VAC14: variants seen among roughly 807,000 people sequenced by gnomAD.
The protein encoded by VAC14 is VAC14 component of PIKFYVE complex.
Under a neutral mutation model 85.3 loss-of-function variants are expected in VAC14, and 47 were observed. That is an observed-to-expected ratio of 0.55 (90% CI 0.44 to 0.70). The LOEUF is 0.70. VAC14 is among the 30% of genes least tolerant of loss of function. The probability of loss-of-function intolerance (pLI) is 0.00; values close to 1 mark genes in which losing one functional copy is unlikely to be tolerated. For missense variants in VAC14, 861 were observed against 1,004.3 expected, an observed-to-expected ratio of 0.86 and a Z score of 1.93; for synonymous variants, 447 against 430.5, an observed-to-expected ratio of 1.04 and a Z score of -0.47.
chr16:70,695,675 T>G, intron 16 of VAC14, 52 bp from the exon 17 acceptor site: 2 of 1,563,554 alleles, frequency 1.3e-6, no homozygotes, highest in Non-Finnish European at 1.8e-6. Context: ...CAGCCGCAGC[T>G]CACAGCACCA....
intron 14 of VAC14, among the ~76,000 whole-genome samples, chr16:70,719,158 A>G (rs1402354747): frequency 1.3e-5 from 2 of 152,208 alleles, no homozygotes; most frequent in Non-Finnish European, 2.9e-5. Context: ...ACAAAGCACA[A>G]ACAGGCTGGA....
intron 12 of VAC14, among the ~76,000 whole-genome samples, chr16:70,754,127 C>T (rs2031630322): frequency 6.6e-6 from 1 of 152,152 alleles, no homozygotes; most frequent in Non-Finnish European, 1.5e-5. Context: ...ATACTCAAAC[C>T]CTCCTGGCAC....
At chr16:70,771,182 G>A (rs1321698517) in intron 10 of VAC14, 1 of 152,230 alleles carries the variant, frequency 6.6e-6, no homozygotes, top group Non-Finnish European at 1.5e-5. Context: ...AGTACCTTCC[G>A]CGGGGAGTCC....
intron 12 of VAC14, among the ~76,000 whole-genome samples, chr16:70,754,147 T>G (rs1410169458): frequency 6.6e-6 from 1 of 152,152 alleles, no homozygotes; most frequent in Non-Finnish European, 1.5e-5. Flanking sequence ...CACAGTCCTG[T>G]CTTCCCTGCA....
At chr16:70,793,673 A>C (rs2034430312) in intron 1 of VAC14, among the ~76,000 whole-genome samples, 1 of 152,124 alleles carries the variant, frequency 6.6e-6, no homozygotes, top group Admixed American at 6.5e-5. Flanking sequence ...TAGCCACTGA[A>C]CTCAGGTTCC....
intron 3 of VAC14, 53 bp downstream of exon 3, chr16:70,785,649 T>A: frequency 6.7e-7 from 1 of 1,501,552 alleles, no homozygotes. Context: ...GAAGGTCAAG[T>A]GAGGTGGGGG....
intron 14 of VAC14, among the ~76,000 whole-genome samples, chr16:70,717,443 CT>C (rs888144423): frequency 6.6e-6 from 1 of 152,148 alleles, no homozygotes; most frequent in Non-Finnish European, 1.5e-5. Flanking sequence ...CTTTATTTTT[CT>C]TTTTTTAAAA....
At chr16:70,726,960 G>A (rs1307045976) in intron 14 of VAC14, among the ~76,000 whole-genome samples, 3 of 152,184 alleles carry the variant, frequency 2.0e-5, no homozygotes, top group Non-Finnish European at 4.4e-5. Flanking sequence ...CCGACATGGA[G>A]GTGCGGCCTG....
At chr16:70,692,162 G>A (rs528949764) in intron 18 of VAC14, 710 of 915,636 alleles carry the variant, frequency 7.8e-4, no homozygotes, top group Non-Finnish European at 8.7e-4. Context: ...GGGGCCAGCC[G>A]TGGGTTCAGG....
intron 1 of VAC14, among the ~76,000 whole-genome samples, chr16:70,786,785 C>T (rs77978432): frequency 0.015 from 2,223 of 152,276 alleles, 60 homozygotes; most frequent in African/African-American, 0.052. Context: ...AATCAGGCCC[C>T]AGTGTAATGG....
chr16:70,792,115 G>A (rs897953681), intron 1 of VAC14, among the ~76,000 whole-genome samples: 3 of 152,154 alleles, frequency 2.0e-5, no homozygotes, highest in African/African-American at 7.2e-5. Context: ...CTAACCCCTC[G>A]CTAGGTGCTC....
intron 14 of VAC14, among the ~76,000 whole-genome samples, chr16:70,717,717 A>G (rs1274505601): frequency 6.6e-6 from 1 of 152,102 alleles, no homozygotes; most frequent in Non-Finnish European, 1.5e-5. Context: ...GTGCAGTGGC[A>G]CGATCTCAGC....
At chr16:70,708,573 C>T (rs555030743) in intron 14 of VAC14, among the ~76,000 whole-genome samples, 18 of 152,206 alleles carry the variant, frequency 1.2e-4, no homozygotes, top group Non-Finnish European at 2.2e-4. Flanking sequence ...ATGAGGTCTG[C>T]GTTTGTGTCT....
At chr16:70,709,836 T>C (rs1454459265) in intron 14 of VAC14, among the ~76,000 whole-genome samples, 1 of 152,188 alleles carries the variant, frequency 6.6e-6, no homozygotes, top group African/African-American at 2.4e-5. Flanking sequence ...AACTGGCTGA[T>C]ACATTCCCTG....
At position 70,785,851 on chromosome 16, in the gene VAC14, T is replaced by G. The variant is rs542819933; in HGVS notation, c.274A>C (p.Lys92Gln). 1.9e-6 allele frequency: 3 copies of G among 1,605,362 alleles called. No individual in the cohort carries two copies. In the African/African-American group the frequency reaches 4.0e-5, roughly 21 times the overall value. ...ALGKDSGLYL[K>Q]ELIEPVLTCF... The stretch of plus-strand genomic sequence containing the variant: ...GTCAGCACTGGCTCGATCAGCTCCT[T>G]CAGGTAGAGCCCTGAGTCCTGCAAG... The change falls in exon 3 of 19, where the codon AAG becomes CAG. Residue 92 changes from lysine (K) to glutamine (Q), a missense_variant. Lys to Gln is a moderately conservative substitution (Grantham distance 53). Transcript: ENST00000261776.
At chr16:70,726,807 G>GT (rs1391106005) in intron 14 of VAC14, among the ~76,000 whole-genome samples, 1 of 152,156 alleles carries the variant, frequency 6.6e-6, no homozygotes, top group Non-Finnish European at 1.5e-5. Context: ...AAAAATGAAG[G>GT]TTTTAAAGCC....
intron 14 of VAC14, among the ~76,000 whole-genome samples, chr16:70,720,686 G>T (rs2054267850): frequency 6.6e-6 from 1 of 152,202 alleles, no homozygotes; most frequent in Non-Finnish European, 1.5e-5. Flanking sequence ...CTGATGACGA[G>T]GTGGATGGTG....
intron 14 of VAC14, among the ~76,000 whole-genome samples, chr16:70,720,968 A>C (rs1438155308): frequency 6.6e-6 from 1 of 152,260 alleles, no homozygotes; most frequent in East Asian, 1.9e-4. Flanking sequence ...ACTTGAGTGC[A>C]CTTGAATCAT....
intron 14 of VAC14, among the ~76,000 whole-genome samples, chr16:70,708,764 G>A (rs1243840880): frequency 2.0e-5 from 3 of 152,176 alleles, no homozygotes; most frequent in Non-Finnish European, 4.4e-5. Flanking sequence ...GGAGAAAAAC[G>A]CAGTGTGAGG....
Sources: allele counts gnomAD v4.1 joint callset (sites outside exome capture counted in the v4.1 genomes callset), GRCh38; gene constraint gnomAD v4.1.1; transcripts MANE v1.5; gene names NCBI Gene and HGNC (gene_info 2026-07-23, HGNC 2026-07-21).